Variants in GK observed in about 807,000 individuals in gnomAD.
GK encodes the protein ATP:glycerol 3-phosphotransferase.
A neutral mutation model predicts 56.4 loss-of-function variants in GK; 9 were observed. The observed-to-expected ratio is 0.16, with a 90% CI of 0.10 to 0.28. GK has a LOEUF of 0.28. Among genes scored for constraint, GK ranks in the 10% least tolerant of loss-of-function variants. The probability of loss-of-function intolerance (pLI) is 1.00; values close to 1 mark genes in which losing one functional copy is unlikely to be tolerated. For missense variants in GK, 161 were observed against 431.4 expected (o/e 0.37, Z 5.55); for synonymous variants, 104 against 144.1 (o/e 0.72, Z 1.99).
chrX:30,668,144 CATA>C (rs757735034), intron 3 of GK, 26 bp downstream of exon 3: 3 of 744,154 alleles, frequency 4.0e-6, no homozygotes, highest in African/African-American at 4.1e-5. Flanking sequence ...ATTTTACCCA[CATA>C]ATAAGACTCT....
At chrX:30,654,674 G>GATCA (rs2147115165) in intron 1 of GK, among the ~76,000 whole-genome samples, 1 of 110,979 alleles carries the variant, frequency 9.0e-6, no homozygotes, top group South Asian at 3.8e-4. Context: ...AGTGAGCAGA[G>GATCA]ATCACACCAC....
chrX:30,704,045 A>G (rs1186012585), intron 11 of GK, among the ~76,000 whole-genome samples: 1 of 104,824 alleles, frequency 9.5e-6, no homozygotes, highest in African/African-American at 3.6e-5. Context: ...AAGAAAAAAT[A>G]TACAAGTAGA....
At chrX:30,709,303 C>T (rs1420287524) in intron 13 of GK, among the ~76,000 whole-genome samples, 6 of 111,814 alleles carry the variant, frequency 5.4e-5, no homozygotes, top group South Asian at 3.8e-4. Flanking sequence ...AGGGGTCACT[C>T]GGTCTTAACT....
intron 11 of GK, among the ~76,000 whole-genome samples, chrX:30,702,922 C>A (rs928513376): frequency 9.0e-6 from 1 of 111,699 alleles, no homozygotes; most frequent in Non-Finnish European, 1.9e-5. Context: ...TGTGGGAATT[C>A]TTTGCAGGTC....
chrX:30,717,528 C>G (rs1278481241), intron 13 of GK, among the ~76,000 whole-genome samples: 1 of 111,265 alleles, frequency 9.0e-6, no homozygotes, highest in East Asian at 2.8e-4. Flanking sequence ...CTTTCTGTCT[C>G]TATGGATTTG....
intron 4 of GK, chrX:30,687,571 G>A (rs745310742): frequency 3.8e-5 from 13 of 340,072 alleles, no homozygotes; most frequent in Non-Finnish European, 6.5e-5. Flanking sequence ...TCCAGTTGCC[G>A]TTGTTCCCTC....
intron 6 of GK, 107 bp from the exon 7 acceptor site, chrX:30,695,935 T>C (rs886827142): frequency 1.3e-5 from 7 of 521,588 alleles, no homozygotes; most frequent in Middle Eastern, 5.3e-4. Flanking sequence ...AAAAATGTAA[T>C]GTTCCGTTCT....
intron 4 of GK, among the ~76,000 whole-genome samples, chrX:30,685,358 C>T (rs969348228): frequency 8.9e-6 from 1 of 111,830 alleles, no homozygotes; most frequent in South Asian, 3.7e-4. Context: ...TGGTCTCGAT[C>T]TCCTGACCTC....
At chrX:30,718,213 C>A (rs1032692427) in intron 13 of GK, among the ~76,000 whole-genome samples, 1 of 111,735 alleles carries the variant, frequency 8.9e-6, no homozygotes, top group Non-Finnish European at 1.9e-5. Context: ...CAATATATTT[C>A]TAAGTGATAA....
intron 1 of GK, among the ~76,000 whole-genome samples, chrX:30,664,128 C>CTTATATATATA (rs1932906743): frequency 1.4e-5 from 1 of 69,987 alleles, no homozygotes; most frequent in African/African-American, 6.1e-5. Context: ...TTATATAGAT[C>CTTATATATATA]TATATATATT....
chrX:30,694,449 G>A lies in GK; in HGVS notation c.464G>A (p.Arg155His), dbSNP rs937400801. 6.7e-6 allele frequency: 8 copies of A among 1,199,880 alleles called. No individual in the cohort carries two copies. In the Admixed American group the frequency reaches 8.7e-5, roughly 13 times the overall value. The change falls in exon 6 of 21, where the codon CGT (arginine) becomes CAT (histidine). Residue 155 changes from arginine to histidine, a missense_variant. Coordinates refer to ENST00000427190, the MANE Select transcript of GK (RefSeq NM_001205019.2). ...LSTYFSAVKL[R>H]WLLDNVRKVQ... ...ACTTACTTCAGTGCAGTGAAACTTC[G>A]TTGGCTCCTTGACAATGTGAGAAAA...
At chrX:30,697,775 TA>T (rs749063773) in intron 9 of GK, 26 bp downstream of exon 9, 3 of 1,106,717 alleles carry the variant, frequency 2.7e-6, no homozygotes, top group Non-Finnish European at 3.7e-6. Context: ...GCCAATTATG[TA>T]CCCATTCATT....
chrX:30,669,466 G>T (rs1933330284), intron 3 of GK, among the ~76,000 whole-genome samples: 1 of 111,052 alleles, frequency 9.0e-6, no homozygotes, highest in South Asian at 3.7e-4. Flanking sequence ...ACAGGCATGA[G>T]CCACCGCGCC....
At chrX:30,653,857 T>A (rs1207270818) in intron 1 of GK, among the ~76,000 whole-genome samples, 2 of 111,943 alleles carry the variant, frequency 1.8e-5, no homozygotes, top group Non-Finnish European at 3.8e-5. Context: ...CGGAGCTGGG[T>A]CACCTACTAA....
chrX:30,665,447 A>G (rs1933008162), intron 1 of GK, 64 bp from the exon 2 acceptor site: 1 of 675,397 alleles, frequency 1.5e-6, no homozygotes, highest in African/African-American at 2.1e-5. Flanking sequence ...CAGTTACTGA[A>G]TAACTTTAAA....
intron 3 of GK, among the ~76,000 whole-genome samples, chrX:30,670,843 C>T (rs1170799360): frequency 1.9e-5 from 2 of 107,060 alleles, no homozygotes; most frequent in Admixed American, 2.0e-4. Flanking sequence ...ATTAGCCAGG[C>T]GTGGTCGTGG....
At chrX:30,672,560 T>G (rs1428782367) in intron 3 of GK, among the ~76,000 whole-genome samples, 1 of 112,566 alleles carries the variant, frequency 8.9e-6, no homozygotes, top group Non-Finnish European at 1.9e-5. Flanking sequence ...ACGCCTGTAA[T>G]CCCAGCACTT....
intron 9 of GK, among the ~76,000 whole-genome samples, chrX:30,699,196 A>T (rs2081421184): frequency 9.9e-6 from 1 of 101,196 alleles, no homozygotes; most frequent in African/African-American, 3.6e-5. Flanking sequence ...TATATGTTTT[A>T]TATATATGTT....
Position 30,730,924 on chromosome X carries a change from A to C in GK, c.*2182A>C, listed in dbSNP as rs1226777447. 1 of 112,340 alleles carries C rather than the reference A, an allele frequency of 8.9e-6. No homozygotes were observed. Among genetic ancestry groups the C allele is most frequent in the Non-Finnish European group, 1.9e-5 (1 of 53,316 alleles). The allele number at this position is 112,340 out of a possible 1,213,427, so 9.3% of individuals were successfully genotyped here. On this transcript the variant is annotated 3_prime_UTR_variant, in exon 21 of 21. Coordinates refer to ENST00000427190, the MANE Select transcript of GK (RefSeq NM_001205019.2). ...TGAACACTTTAATCATTCTATTAGA[A>C]GAAACTACACTGTCCCATCTCAGCA...
Sources: gnomAD v4.1 joint callset for allele counts (sites outside exome capture counted in the v4.1 genomes callset) on GRCh38, gnomAD v4.1.1 for gene constraint, MANE v1.5 for transcripts, NCBI Gene and HGNC (gene_info 2026-07-23, HGNC 2026-07-21) for gene names.